The following MEDAG variants were observed in gnomAD, a reference collection of about 807,000 sequenced individuals.
The protein encoded by MEDAG is mesenteric estrogen dependent adipogenesis, also known as mesenteric estrogen-dependent adipogenesis protein.
A neutral mutation model predicts 29.9 loss-of-function variants in MEDAG; 25 were observed. The observed-to-expected ratio is 0.84, with a 90% CI of 0.61 to 1.17. The LOEUF (loss-of-function observed/expected upper bound fraction) is 1.17. MEDAG is among the 50% of genes most tolerant of loss of function. MEDAG has a pLI of 0.00. For synonymous variants in MEDAG, 158 were observed against 148.2 expected, an observed-to-expected ratio of 1.07 and a Z score of -0.48; for missense variants, 398 against 372.9, an observed-to-expected ratio of 1.07 and a Z score of -0.56.
At position 30,906,588 on chromosome 13, in the gene MEDAG, C is replaced by A. The variant is rs199670958; in HGVS notation, c.73C>A (p.Leu25Met). The stretch of plus-strand genomic sequence containing the variant: ...CATCTCGTCTGGGGAGCTTCGCAGC[C>A]TGTGGACCTGCGACTGCGAGCTGGC... ...TSISSGELRS[L>M]WTCDCELALL... The change falls in exon 1 of 5, where the codon CTG (leucine) becomes ATG (methionine). Residue 25 changes from leucine (L) to methionine (M), a missense_variant. Transcript: ENST00000380482. The A allele has an allele frequency of 6.2e-5, 99 of 1,587,408 alleles. No individual in the cohort carries two copies. Among genetic ancestry groups the A allele is most frequent in the Non-Finnish European group, 7.9e-5 (93 of 1,175,614 alleles).
chr13:30,917,357 G>C, intron 1 of MEDAG, 46 bp from the exon 2 acceptor site: 1 of 1,126,944 alleles, frequency 8.9e-7, no homozygotes, highest in South Asian at 1.2e-5. Context: ...TCCTAATTTA[G>C]ATGAAAGGGT....
chr13:30,909,590 C>T (rs1309082593), intron 1 of MEDAG, among the ~76,000 whole-genome samples: 2 of 152,154 alleles, frequency 1.3e-5, no homozygotes, highest in Non-Finnish European at 2.9e-5. Flanking sequence ...AATATATACC[C>T]AATTTTTGCT....
At chr13:30,912,266 C>T (rs1057294452) in intron 1 of MEDAG, among the ~76,000 whole-genome samples, 3 of 152,028 alleles carry the variant, frequency 2.0e-5, no homozygotes, top group Non-Finnish European at 2.9e-5. Flanking sequence ...GGGCAGAAGG[C>T]GGAGGGAAGA....
chr13:30,907,863 T>C (rs1929804), intron 1 of MEDAG, among the ~76,000 whole-genome samples: 148,911 of 152,340 alleles, frequency 0.98, 72,866 homozygotes, highest in East Asian at 1. Flanking sequence ...TTCAAAACTC[T>C]TGGAGAAAAA....
rs781711508 is a variant in MEDAG, at chr13:30,906,720, G to A, written c.205G>A (p.Gly69Ser). ...CGGGGAGCCGGCGGCGGCGCGGGGG[G>A]GCTTCAACGTCTTCGGTGACGGCCT... ...RPGEPAAARG[G>S]FNVFGDGLVR... is the part of the protein sequence containing the mutation. The change falls in exon 1 of 5, where the codon GGC (glycine) becomes AGC (serine). Residue 69 changes from glycine (G) to serine (S), a missense_variant. Coordinates refer to ENST00000380482, the MANE Select transcript of MEDAG (RefSeq NM_032849.4). The A allele has an allele frequency of 7.9e-6, 12 of 1,517,272 alleles. No individual in the cohort carries two copies. The South Asian group carries it at 1.0e-4, about 13-fold the overall frequency. The allele number at this position is 1,517,272 out of a possible 1,614,324, so 94.0% of individuals were successfully genotyped here.
chr13:30,908,458 T>C (rs1406842251), intron 1 of MEDAG, among the ~76,000 whole-genome samples: 1 of 152,112 alleles, frequency 6.6e-6, no homozygotes, highest in African/African-American at 2.4e-5. Context: ...TATAACTGAG[T>C]GTGCAGTCCT....
Position 30,921,058 on chromosome 13 carries a change from A to C in MEDAG, c.433A>C (p.Arg145=). Residue 145 remains arginine (R), a synonymous_variant, in exon 3 of 5, where the codon AGA becomes CGA. Transcript: ENST00000380482. ...FLVNTRHPKI[R]RQIEQGMDMV... ...TGTAAACACGAGGCACCCCAAGATA[A>C]GAAGACAGATAGAGCAAGGGATGGA... 6.2e-7 allele frequency: 1 copy of C among 1,614,164 alleles called. No individual in the cohort carries two copies. The highest frequency in any genetic ancestry group is 8.5e-7 in the Non-Finnish European group (1 of 1,180,006).
Position 30,921,252 on chromosome 13 carries a change from C to T in MEDAG, c.501+126C>T, listed in dbSNP as rs189038600. 19 of 753,514 alleles carry T rather than the reference C, an allele frequency of 2.5e-5. No homozygotes were observed. The Admixed American group carries it at 3.8e-4, about 15-fold the overall frequency. The allele number at this position is 753,514 out of a possible 1,614,324, so 46.7% of individuals were successfully genotyped here. On this transcript the variant is annotated intron_variant, in intron 3 of 4. Transcript: ENST00000380482. ...AGAATGGCCCTTAGAAAACAAAGTG[C>T]ATTCAGACACTTTGTTCTCAAAGGT... is the stretch of plus-strand genomic sequence containing the variant.
At chr13:30,920,471 C>G (rs1429249544) in intron 2 of MEDAG, among the ~76,000 whole-genome samples, 1 of 152,118 alleles carries the variant, frequency 6.6e-6, no homozygotes, top group South Asian at 2.1e-4. Context: ...TGCCTGTGGT[C>G]CCAGCAACTT....
intron 1 of MEDAG, chr13:30,909,197 A>C (rs1952859277): frequency 6.6e-6 from 1 of 151,374 alleles, no homozygotes; most frequent in East Asian, 1.9e-4. Context: ...TATTTTCCAC[A>C]TGCTGTGCCC....
Position 30,921,659 on chromosome 13 carries a change from A to G in MEDAG, c.600A>G (p.Ala200=), listed in dbSNP as rs1199775533. The change falls in exon 4 of 5, where the codon GCA becomes GCG. Residue 200 remains alanine (A), a synonymous_variant. Coordinates refer to ENST00000380482, the MANE Select transcript of MEDAG (RefSeq NM_032849.4). The part of the protein sequence containing the change: ...LSFAYEFKAD[A]LFDFFYWFGL... ...TTGCATATGAATTCAAAGCTGATGC[A>G]TTATTTGATTTCTTCTATTGGTTTG... 2 of 1,613,984 alleles carry G rather than the reference A, an allele frequency of 1.2e-6. No individual in the cohort carries two copies. Among genetic ancestry groups the G allele is most frequent in the African/African-American group, 1.3e-5 (1 of 74,932 alleles).
At chr13:30,922,082 C>A in intron 4 of MEDAG, 1 of 348,364 alleles carries the variant, frequency 2.9e-6, no homozygotes, top group South Asian at 7.8e-5. Flanking sequence ...GCAGTATACC[C>A]CAAAATAACT....
intron 1 of MEDAG, chr13:30,916,741 T>C (rs995523061): frequency 5.3e-5 from 8 of 152,318 alleles, no homozygotes; most frequent in African/African-American, 1.9e-4. Flanking sequence ...AAAGCTAACA[T>C]GCTGGATGAC....
chr13:30,910,934 T>C (rs1952876488), intron 1 of MEDAG, among the ~76,000 whole-genome samples: 1 of 152,222 alleles, frequency 6.6e-6, no homozygotes. Context: ...TTGGAAGATG[T>C]GGTCTTAGAT....
chr13:30,908,067 A>C (rs1045288118), intron 1 of MEDAG, among the ~76,000 whole-genome samples: 5 of 152,260 alleles, frequency 3.3e-5, no homozygotes, highest in Non-Finnish European at 7.3e-5. Flanking sequence ...GGTATGAAAA[A>C]TAAAAATGTC....
chr13:30,918,391 C>G (rs1277807293), intron 2 of MEDAG, among the ~76,000 whole-genome samples: 2 of 152,154 alleles, frequency 1.3e-5, no homozygotes, highest in Non-Finnish European at 2.9e-5. Flanking sequence ...TTAGGAGGTG[C>G]TTACACTATT....
In MEDAG at chr13:30,917,463, A is replaced by G. The variant is rs1291345030; in HGVS notation, c.339A>G (p.Lys113=). Residue 113 remains lysine (K), a synonymous_variant, in exon 2 of 5, where the codon AAA becomes AAG. Coordinates refer to ENST00000380482, the MANE Select transcript of MEDAG (RefSeq NM_032849.4). ...ACTACAGGGAAACTATATTGAGCAA[A>G]CCAATGTTGTTCTTTATTAATGTAC... The part of the protein sequence containing the change: ...YKDYRETILS[K]PMLFFINVQT... 2 of 1,612,326 alleles carry G rather than the reference A, an allele frequency of 1.2e-6. No homozygotes were observed. Among genetic ancestry groups the G allele is most frequent in the Middle Eastern group, 1.7e-4 (1 of 6,060 alleles).
chr13:30,912,188 A>G (rs964354997), intron 1 of MEDAG, among the ~76,000 whole-genome samples: 1 of 152,230 alleles, frequency 6.6e-6, no homozygotes, highest in Non-Finnish European at 1.5e-5. Context: ...ACCCTTGAAT[A>G]ATGTCTGTGT....
At chr13:30,911,485 T>A (rs951433842) in intron 1 of MEDAG, among the ~76,000 whole-genome samples, 1 of 152,134 alleles carries the variant, frequency 6.6e-6, no homozygotes. Flanking sequence ...ATAGTCCTCA[T>A]GGATGGGCTA....
Sources: allele counts gnomAD v4.1 joint callset (sites outside exome capture counted in the v4.1 genomes callset), GRCh38; gene constraint gnomAD v4.1.1; transcripts MANE v1.5; gene names NCBI Gene and HGNC (gene_info 2026-07-23, HGNC 2026-07-21).